Variants in DPP8 observed in about 807,000 individuals in gnomAD.
DPP8 encodes dipeptidyl peptidase 8, also known as DPP VIII.
A neutral mutation model predicts 107.5 loss-of-function variants in DPP8; 31 were observed. That is an observed-to-expected ratio of 0.29 (90% CI 0.22 to 0.39). The LOEUF is 0.39. Ranked by LOEUF, DPP8 falls within the 10% of genes least tolerant of loss-of-function variation. DPP8 has a pLI of 1.00. For synonymous variants in DPP8, 381 were observed against 356.6 expected (o/e 1.07, Z -0.77); for missense variants, 842 against 1,076.1 (o/e 0.78, Z 3.04).
At position 65,466,065 on chromosome 15, in the gene DPP8, CATTT is replaced by C. The variant is rs1595904271; in HGVS notation, c.1825+609_1825+612del. ...TTCAGAATACTATTCTCCTCAAGTTCATTTGTTTACCTGAGAAATCATCAAAATT... is the reference window on the plus strand; with the variant it reads ...TTCAGAATACTATTCTCCTCAAGTTCGTTTACCTGAGAAATCATCAAAATT... On this transcript the variant is annotated intron_variant, in intron 14 of 19. Transcript: ENST00000300141. Among the ~76,000 whole-genome samples the C allele has an allele frequency of 3.3e-5, 5 of 152,268 alleles. No individual in the cohort carries two copies. In the East Asian group the frequency reaches 9.6e-4, roughly 29 times the overall value.
intron 7 of DPP8, among the ~76,000 whole-genome samples, chr15:65,486,970 A>G (rs977260427): frequency 6.6e-6 from 1 of 152,092 alleles, no homozygotes; most frequent in African/African-American, 2.4e-5. Flanking sequence ...TTCCTCAAAA[A>G]CTACTGAAAT....
At chr15:65,504,328 A>G (rs933218746) in intron 3 of DPP8, among the ~76,000 whole-genome samples, 2 of 137,430 alleles carry the variant, frequency 1.5e-5, no homozygotes, top group African/African-American at 5.6e-5. Flanking sequence ...GTGCCATTGC[A>G]CTCCAGCCTG....
At chr15:65,491,923 G>A (rs1042350652) in intron 5 of DPP8, among the ~76,000 whole-genome samples, 1 of 152,000 alleles carries the variant, frequency 6.6e-6, no homozygotes, top group African/African-American at 2.4e-5. Flanking sequence ...TAGTAGAGAC[G>A]GGGTTTCACT....
At chr15:65,498,702 T>C (rs1349057049) in intron 4 of DPP8, among the ~76,000 whole-genome samples, 2 of 152,254 alleles carry the variant, frequency 1.3e-5, no homozygotes, top group African/African-American at 4.8e-5. Context: ...CAATATAAAA[T>C]AGTTTGCTCA....
chr15:65,474,948 C>A (rs2066248265), intron 11 of DPP8, among the ~76,000 whole-genome samples: 2 of 152,028 alleles, frequency 1.3e-5, no homozygotes, highest in South Asian at 4.1e-4. Flanking sequence ...CTCAAAAGCA[C>A]CTGCATTCTT....
At chr15:65,500,149 T>C (rs1373062139) in intron 4 of DPP8, among the ~76,000 whole-genome samples, 4 of 152,092 alleles carry the variant, frequency 2.6e-5, no homozygotes, top group Non-Finnish European at 5.9e-5. Flanking sequence ...CTGGGCGCGG[T>C]GGCTCATGTC....
At chr15:65,484,055 A>G (rs187007508) in intron 8 of DPP8, among the ~76,000 whole-genome samples, 114 of 152,184 alleles carry the variant, frequency 7.5e-4, no homozygotes, top group African/African-American at 2.6e-3. Context: ...TAGGCTGGGC[A>G]CGGTGGCTCA....
chr15:65,459,176 C>T (rs564069065), intron 15 of DPP8, among the ~76,000 whole-genome samples: 1 of 150,960 alleles, frequency 6.6e-6, no homozygotes, highest in African/African-American at 2.4e-5. Flanking sequence ...TGGCCAGATT[C>T]TTCTGTTTCT....
intron 12 of DPP8, among the ~76,000 whole-genome samples, chr15:65,473,056 G>C (rs2140594320): frequency 6.6e-6 from 1 of 151,984 alleles, no homozygotes; most frequent in East Asian, 1.9e-4. Flanking sequence ...AAAGCAAATG[G>C]TGAGCAGGAC....
chr15:65,506,285 C>T (rs947731931), intron 3 of DPP8, among the ~76,000 whole-genome samples: 3 of 151,742 alleles, frequency 2.0e-5, no homozygotes, highest in Non-Finnish European at 2.9e-5. Context: ...GCCAAGACTG[C>T]GCCATTGAAC....
intron 5 of DPP8, among the ~76,000 whole-genome samples, chr15:65,496,701 A>G (rs1205428941): frequency 6.6e-6 from 1 of 152,094 alleles, no homozygotes; most frequent in Non-Finnish European, 1.5e-5. Flanking sequence ...CCCAGGGTGC[A>G]GTGCAGTGGC....
chr15:65,478,255 A>T (rs1451726739), intron 11 of DPP8, among the ~76,000 whole-genome samples: 1 of 152,194 alleles, frequency 6.6e-6, no homozygotes, highest in Non-Finnish European at 1.5e-5. Flanking sequence ...TTTAAAAAAA[A>T]TAGTGTTGTC....
rs1471371501 is a variant in DPP8 at position 65,444,903 on chromosome 15, A to G, written c.*1981T>C. 6.6e-6 allele frequency: 1 copy of G among 152,218 alleles called. No individual in the cohort carries two copies. Among genetic ancestry groups the G allele is most frequent in the African/African-American group, 2.4e-5 (1 of 41,440 alleles). The allele number at this position is 152,218 out of a possible 1,614,324, so 9.4% of individuals were successfully genotyped here. On this transcript the variant is annotated 3_prime_UTR_variant, in exon 20 of 20. Coordinates refer to ENST00000300141, the MANE Select transcript of DPP8 (RefSeq NM_130434.5). ...GTCCAAACAAAACAAAACAAAACAA[A>G]ACAAAACACCCTCCACAGTCAGATA... is the stretch of plus-strand genomic sequence containing the variant.
chr15:65,470,567 T>A (rs900840545), intron 12 of DPP8, among the ~76,000 whole-genome samples: 3 of 145,392 alleles, frequency 2.1e-5, no homozygotes, highest in African/African-American at 7.8e-5. Flanking sequence ...CATCGCACCA[T>A]TGCATTCTAG....
chr15:65,488,672 TAC>T (rs1404500046), intron 6 of DPP8, among the ~76,000 whole-genome samples: 15 of 150,724 alleles, frequency 1.0e-4, no homozygotes, highest in Non-Finnish European at 1.5e-4. Flanking sequence ...CAGGGAGCAT[TAC>T]ACATAAGAAT....
chr15:65,455,140 C>T (rs1335812997), intron 16 of DPP8, among the ~76,000 whole-genome samples: 2 of 152,110 alleles, frequency 1.3e-5, no homozygotes, highest in Non-Finnish European at 2.9e-5. Flanking sequence ...TCCTTTTTAT[C>T]TATTTTTTTG....
chr15:65,468,525 C>T (rs1426888400), intron 12 of DPP8, among the ~76,000 whole-genome samples: 1 of 151,690 alleles, frequency 6.6e-6, no homozygotes, highest in Non-Finnish European at 1.5e-5. Context: ...ATTTTTTACA[C>T]AGCAATGAAA....
In DPP8 at chr15:65,506,995, G is replaced by A. The variant is rs1458012627; in HGVS notation, c.372+248C>T. ...CTCCTTTAAAAAATGTGAGAACTAC[G>A]TAAGTACAAAGTTTATGAAGGGAAA... On this transcript the variant is annotated intron_variant, in intron 3 of 19. Coordinates refer to ENST00000300141, the MANE Select transcript of DPP8 (RefSeq NM_130434.5). Among the ~76,000 whole-genome samples, 5 of 151,948 alleles carry A rather than the reference G, an allele frequency of 3.3e-5. No homozygotes were observed. The South Asian group carries it at 8.3e-4, about 25-fold the overall frequency.
intron 1 of DPP8, chr15:65,515,892 CA>C: frequency 1.8e-6 from 1 of 542,978 alleles, no homozygotes; most frequent in Middle Eastern, 2.7e-4. Flanking sequence ...AAACTGATAC[CA>C]AAATATCACT....
Sources: allele counts gnomAD v4.1 joint callset (sites outside exome capture counted in the v4.1 genomes callset), GRCh38; gene constraint gnomAD v4.1.1; transcripts MANE v1.5; gene names NCBI Gene and HGNC (gene_info 2026-07-23, HGNC 2026-07-21).